Variants in LHCGR observed in about 807,000 individuals in gnomAD.
LHCGR encodes luteinizing hormone/choriogonadotropin receptor.
A neutral mutation model predicts 60.7 loss-of-function variants in LHCGR; 55 were observed. That is an observed-to-expected ratio of 0.91 (90% CI 0.73 to 1.13). LHCGR has a LOEUF of 1.13. Among genes scored for constraint, LHCGR ranks in the 50% most tolerant of loss-of-function variants. LHCGR has a pLI of 0.00. For synonymous variants in LHCGR, 337 were observed against 316.5 expected (o/e 1.06, Z -0.69); for missense variants, 862 against 836.0 (o/e 1.03, Z -0.38).
intron 10 of LHCGR, among the ~76,000 whole-genome samples, chr2:48,690,677 C>T (rs1680188692): frequency 6.6e-6 from 1 of 152,200 alleles, no homozygotes; most frequent in African/African-American, 2.4e-5. Context: ...GTGAATTCCT[C>T]CTCATCTGTA....
At chr2:48,690,527 A>T (rs1680179345) in intron 10 of LHCGR, among the ~76,000 whole-genome samples, 1 of 152,238 alleles carries the variant, frequency 6.6e-6, no homozygotes, top group Non-Finnish European at 1.5e-5. Context: ...TCTTAAAATT[A>T]GCTCTTGCAG....
intron 8 of LHCGR, among the ~76,000 whole-genome samples, chr2:48,704,842 T>A (rs1172605219): frequency 6.6e-6 from 1 of 152,218 alleles, no homozygotes; most frequent in African/African-American, 2.4e-5. Flanking sequence ...AAAAACCAGC[T>A]CCTGGATTCA....
chr2:48,740,211 G>T (rs1177882625), intron 1 of LHCGR, among the ~76,000 whole-genome samples: 1 of 152,210 alleles, frequency 6.6e-6, no homozygotes, highest in Non-Finnish European at 1.5e-5. Context: ...AGTCTCACTT[G>T]TTGCTAGCAC....
In LHCGR at chr2:48,694,217, T is replaced by G. The variant is rs1294475899; in HGVS notation, c.947+7A>C. 1 of 1,493,170 alleles carries G rather than the reference T, an allele frequency of 6.7e-7. No individual in the cohort carries two copies. Among genetic ancestry groups the G allele is most frequent in the East Asian group, 2.3e-5 (1 of 43,886 alleles). The allele number at this position is 1,493,170 out of a possible 1,614,324, so 92.5% of individuals were successfully genotyped here. On this transcript the variant is annotated splice_region_variant and intron_variant, in intron 10 of 10. Transcript: ENST00000294954. ...ACTTCTGAGTTTCCTTGCATGCAAA[T>G]ACTTACAGTGTTTTGTTATTCACTT...
At chr2:48,738,266 T>C (rs530907600) in intron 1 of LHCGR, among the ~76,000 whole-genome samples, 4 of 152,206 alleles carry the variant, frequency 2.6e-5, no homozygotes, top group Non-Finnish European at 5.9e-5. Flanking sequence ...ATTTACCAGA[T>C]GCCATGCGTG....
intron 6 of LHCGR, among the ~76,000 whole-genome samples, chr2:48,719,285 G>A (rs1204740312): frequency 2.0e-5 from 3 of 152,156 alleles, no homozygotes; most frequent in Non-Finnish European, 4.4e-5. Context: ...GACTAAGGCT[G>A]CTTGGCTGGT....
At chr2:48,710,526 C>T (rs190355078) in intron 7 of LHCGR, among the ~76,000 whole-genome samples, 1 of 152,210 alleles carries the variant, frequency 6.6e-6, no homozygotes, top group African/African-American at 2.4e-5. Flanking sequence ...AAAAATAAAT[C>T]AATTTCCCAC....
Position 48,717,127 on chromosome 2 carries a change from T to C in LHCGR, c.537-3073A>G, listed in dbSNP as rs143269722. Among the ~76,000 whole-genome samples the C allele has an allele frequency of 5.3e-5, 8 of 152,316 alleles. No individual in the cohort carries two copies. In the East Asian group the frequency reaches 1.5e-3, roughly 29 times the overall value. On this transcript the variant is annotated intron_variant, in intron 6 of 10. Transcript: ENST00000294954. ...TGGATTGCTTTCTCTACCTTCTAAG[T>C]GATGATCGCACTACACATGGAGTAG...
chr2:48,727,636 G>A (rs1055066855), intron 3 of LHCGR, among the ~76,000 whole-genome samples: 6 of 152,202 alleles, frequency 3.9e-5, no homozygotes, highest in Non-Finnish European at 5.9e-5. Flanking sequence ...TAGGACTGTC[G>A]TCTGTAATTG....
At chr2:48,712,223 C>CT in intron 7 of LHCGR, among the ~76,000 whole-genome samples, 1 of 152,014 alleles carries the variant, frequency 6.6e-6, no homozygotes, top group Non-Finnish European at 1.5e-5. Context: ...GCTTTGCCTT[C>CT]TGTTTTAGTT....
Position 48,712,560 on chromosome 2 carries a change from C to T in LHCGR, c.605+1426G>A, listed in dbSNP as rs538274928. ...CATCAAGTCAAAAAGAACATGAGAG[C>T]AAATTCACCCCATGATAGGAGAACA... On this transcript the variant is annotated intron_variant, in intron 7 of 10. Transcript: ENST00000294954. Among the ~76,000 whole-genome samples, 32 of 152,178 alleles carry T rather than the reference C, an allele frequency of 2.1e-4. No individual in the cohort carries two copies. In the South Asian group the frequency reaches 6.4e-3, roughly 31 times the overall value.
chr2:48,700,090 G>T (rs568191453), intron 8 of LHCGR, among the ~76,000 whole-genome samples: 91 of 152,306 alleles, frequency 6.0e-4, no homozygotes, highest in Non-Finnish European at 1.1e-3. Context: ...AGCAAAATTT[G>T]TCTCAGGGGC....
intron 7 of LHCGR, among the ~76,000 whole-genome samples, chr2:48,710,112 G>T (rs1236451174): frequency 6.6e-6 from 1 of 152,112 alleles, no homozygotes; most frequent in Non-Finnish European, 1.5e-5. Context: ...AAAAACCCCT[G>T]CATCTCACTC....
intron 1 of LHCGR, among the ~76,000 whole-genome samples, chr2:48,737,552 T>G (rs1487307924): frequency 6.6e-6 from 1 of 152,228 alleles, no homozygotes; most frequent in Admixed American, 6.5e-5. Flanking sequence ...TTTCCTCTTT[T>G]GAAATGATTT....
rs1363078354 is a variant in LHCGR at position 48,688,974 on chromosome 2, T to C, written c.948-125A>G. The C allele has an allele frequency of 9.5e-6, 8 of 844,900 alleles. No individual in the cohort carries two copies. Among genetic ancestry groups the C allele is most frequent in the Non-Finnish European group, 1.1e-5 (6 of 534,158 alleles). 52.3% of individuals were successfully genotyped at this position (844,900 alleles called of 1,614,324 possible). A position where few individuals can be genotyped will look rare whatever the true frequency, so the allele number is the denominator to read the frequency against. ...AAGCCATAATAGCCTCAGCCTTACA[T>C]TTATTTGTTAAATTATTTGAGAACT... On this transcript the variant is annotated intron_variant, in intron 10 of 10. Coordinates refer to ENST00000294954, the MANE Select transcript of LHCGR (RefSeq NM_000233.4). The surrounding 1 kb of genome is among the most constrained non-coding windows in gnomAD (Gnocchi z 5.2).
rs121912530 is a variant in LHCGR, at chr2:48,687,923, A to T, written c.1874T>A (p.Ile625Lys). The change falls in exon 11 of 11, where the codon ATA (isoleucine) becomes AAA (lysine). Residue 625 changes from isoleucine (I) to lysine (K), a missense_variant. Physicochemically the swap from Ile to Lys is moderately radical, Grantham distance 102. Coordinates refer to ENST00000294954, the MANE Select transcript of LHCGR (RefSeq NM_000233.4). ...ATCTCTTTGGAATGTCTTAGTGAAT[A>T]TTGCATACAGAAATGGATTGGCACA... ...NSCANPFLYAIFTKTFQRDFF... is the reference protein window; with the variant it reads ...NSCANPFLYAKFTKTFQRDFF... 1 of 1,614,036 alleles carries T rather than the reference A, an allele frequency of 6.2e-7. No homozygotes were observed. The highest frequency in any genetic ancestry group is 8.5e-7 in the Non-Finnish European group (1 of 1,180,006).
At chr2:48,746,988 C>T (rs1669737871) in intron 1 of LHCGR, among the ~76,000 whole-genome samples, 3 of 148,372 alleles carry the variant, frequency 2.0e-5, no homozygotes, top group Admixed American at 6.7e-5. Context: ...TCATTAAAAG[C>T]GCCTCTTTCC....
intron 6 of LHCGR, among the ~76,000 whole-genome samples, chr2:48,719,791 A>C (rs1213052768): frequency 6.6e-6 from 1 of 152,200 alleles, no homozygotes; most frequent in African/African-American, 2.4e-5. Flanking sequence ...CAAAATCTCA[A>C]ATACCACTAA....
chr2:48,743,714 A>T (rs1483574310), intron 1 of LHCGR, among the ~76,000 whole-genome samples: 1 of 152,140 alleles, frequency 6.6e-6, no homozygotes, highest in African/African-American at 2.4e-5. Flanking sequence ...AGAGCTATCT[A>T]TGACAAACCC....
Sources: allele counts gnomAD v4.1 joint callset (sites outside exome capture counted in the v4.1 genomes callset), GRCh38; gene constraint gnomAD v4.1.1; non-coding constraint Gnocchi (gnomAD v3.1); transcripts MANE v1.5; gene names NCBI Gene and HGNC (gene_info 2026-07-23, HGNC 2026-07-21).